The following HS6ST3 variants were observed in gnomAD, a reference collection of about 807,000 sequenced individuals.
The protein encoded by HS6ST3 is heparan sulfate 6-O-sulfotransferase 3.
In HS6ST3, 12 loss-of-function variants were observed where a neutral mutation model predicts 36.7. That is an observed-to-expected ratio of 0.33 (90% confidence interval 0.21 to 0.53). The LOEUF is 0.53. HS6ST3 is among the 20% of genes least tolerant of loss of function. HS6ST3 has a pLI of 0.95. For missense variants in HS6ST3, 584 were observed against 640.9 expected (o/e 0.91, Z 0.96); for synonymous variants, 240 against 257.5 (o/e 0.93, Z 0.65).
chr13:96,626,317 A>G (rs1380346861), intron 1 of HS6ST3, among the ~76,000 whole-genome samples: 1 of 152,164 alleles, frequency 6.6e-6, no homozygotes, highest in Non-Finnish European at 1.5e-5. Context: ...AAGGTATGCA[A>G]TCTAATTTTA....
At chr13:96,753,519 G>A (rs1283942849) in intron 1 of HS6ST3, among the ~76,000 whole-genome samples, 1 of 151,892 alleles carries the variant, frequency 6.6e-6, no homozygotes, top group African/African-American at 2.4e-5. Flanking sequence ...TATTGTTATT[G>A]GTGTAAAATG....
intron 1 of HS6ST3, among the ~76,000 whole-genome samples, chr13:96,812,986 G>T (rs931202510): frequency 6.6e-6 from 1 of 152,154 alleles, no homozygotes; most frequent in Non-Finnish European, 1.5e-5. Flanking sequence ...GGATGGCAGG[G>T]CCTGCTTCCT....
At chr13:96,092,613 T>C (rs1242405741) in intron 1 of HS6ST3, among the ~76,000 whole-genome samples, 1 of 152,206 alleles carries the variant, frequency 6.6e-6, no homozygotes, top group Non-Finnish European at 1.5e-5. Context: ...TTCAAACAAT[T>C]TGGTATGAGG....
At chr13:96,438,869 CAGCCT>C (rs1346621811) in intron 1 of HS6ST3, among the ~76,000 whole-genome samples, 1 of 152,060 alleles carries the variant, frequency 6.6e-6, no homozygotes, top group Admixed American at 6.6e-5. Context: ...AGTTTGAGAC[CAGCCT>C]AGCCAACATG....
At chr13:96,184,552 C>T (rs1001363110) in intron 1 of HS6ST3, among the ~76,000 whole-genome samples, 4 of 152,110 alleles carry the variant, frequency 2.6e-5, no homozygotes, top group Non-Finnish European at 5.9e-5. Context: ...CTTTCCCCTG[C>T]GGCAATGACC....
At chr13:96,808,179 G>T (rs1469910986) in intron 1 of HS6ST3, among the ~76,000 whole-genome samples, 1 of 152,188 alleles carries the variant, frequency 6.6e-6, no homozygotes, top group Admixed American at 6.5e-5. Flanking sequence ...ATGTATTTGA[G>T]CCCAGCCTTT....
At chr13:96,760,376 T>C (rs1262638320) in intron 1 of HS6ST3, among the ~76,000 whole-genome samples, 1 of 152,086 alleles carries the variant, frequency 6.6e-6, no homozygotes. Context: ...CTCCCTGCTA[T>C]GAGAGTTGAG....
intron 1 of HS6ST3, among the ~76,000 whole-genome samples, chr13:96,652,679 A>T (rs946708641): frequency 6.6e-6 from 1 of 152,140 alleles, no homozygotes; most frequent in African/African-American, 2.4e-5. Flanking sequence ...TATGAATGGA[A>T]GATTGGATTC....
At chr13:96,267,989 GAC>G (rs2054700994) in intron 1 of HS6ST3, among the ~76,000 whole-genome samples, 1 of 151,750 alleles carries the variant, frequency 6.6e-6, no homozygotes, top group African/African-American at 2.4e-5. Context: ...CTTCTTTACA[GAC>G]ACACACACTC....
At chr13:96,342,774 G>A (rs1043692206) in intron 1 of HS6ST3, among the ~76,000 whole-genome samples, 16 of 152,176 alleles carry the variant, frequency 1.1e-4, no homozygotes, top group African/African-American at 3.9e-4. Context: ...GCCACGCTGT[G>A]TCAAGTGCAG....
chr13:96,350,770 G>C (rs968971748), intron 1 of HS6ST3, among the ~76,000 whole-genome samples: 1 of 152,122 alleles, frequency 6.6e-6, no homozygotes, highest in Non-Finnish European at 1.5e-5. Context: ...TATTTCCTTA[G>C]TGCAGCACAA....
chr13:96,370,471 A>T lies in HS6ST3; in HGVS notation c.707+278902A>T, dbSNP rs115449648. 4.8e-3 allele frequency among the ~76,000 whole-genome samples: 725 copies of T among 152,352 alleles called. 4 individuals are homozygous for T. Among genetic ancestry groups the T allele is most frequent in the African/African-American group, 0.017 (701 of 41,580 alleles). ...AGTTATGAAGCATAACAATATGGAA[A>T]CCCATCAACACATTATCTAGCTTAA... is the stretch of plus-strand genomic sequence containing the variant. On this transcript the variant is annotated intron_variant, in intron 1 of 1. Coordinates refer to ENST00000376705, the MANE Select transcript of HS6ST3 (RefSeq NM_153456.4).
chr13:96,151,760 G>A (rs1474658741), intron 1 of HS6ST3, among the ~76,000 whole-genome samples: 1 of 152,094 alleles, frequency 6.6e-6, no homozygotes, highest in Non-Finnish European at 1.5e-5. Flanking sequence ...GGTGTTGGCC[G>A]GCAATCTTGG....
chr13:96,284,931 CT>C (rs2054794178), intron 1 of HS6ST3, among the ~76,000 whole-genome samples: 1 of 131,748 alleles, frequency 7.6e-6, no homozygotes, highest in Non-Finnish European at 1.7e-5. Context: ...TTCTTTCTTT[CT>C]TTCTTTCTTT....
At chr13:96,305,941 T>C (rs977104150) in intron 1 of HS6ST3, among the ~76,000 whole-genome samples, 5 of 151,438 alleles carry the variant, frequency 3.3e-5, no homozygotes, top group African/African-American at 4.9e-5. Context: ...TCCTTTTTTT[T>C]TTAGACAGGA....
At chr13:96,242,048 G>A (rs1305693984) in intron 1 of HS6ST3, among the ~76,000 whole-genome samples, 2 of 151,936 alleles carry the variant, frequency 1.3e-5, no homozygotes, top group South Asian at 2.1e-4. Context: ...GCCTCCCAAA[G>A]TGCTGAGATT....
intron 1 of HS6ST3, among the ~76,000 whole-genome samples, chr13:96,750,497 C>G (rs1268211732): frequency 2.6e-5 from 4 of 152,200 alleles, no homozygotes; most frequent in African/African-American, 4.8e-5. Context: ...CCTGATAACT[C>G]TTTCATTAAT....
At chr13:96,241,246 A>G (rs1247968243) in intron 1 of HS6ST3, among the ~76,000 whole-genome samples, 1 of 152,084 alleles carries the variant, frequency 6.6e-6, no homozygotes, top group Non-Finnish European at 1.5e-5. Context: ...TTTGTCGTAT[A>G]ACTCAAGAGT....
chr13:96,103,953 G>GTT (rs58261240), intron 1 of HS6ST3, among the ~76,000 whole-genome samples: 4 of 145,664 alleles, frequency 2.7e-5, no homozygotes, highest in East Asian at 4.0e-4. Flanking sequence ...GGTTTGAGGT[G>GTT]TTTTTTTTTT....
Sources: gnomAD v4.1 joint callset for allele counts (sites outside exome capture counted in the v4.1 genomes callset) on GRCh38, gnomAD v4.1.1 for gene constraint, MANE v1.5 for transcripts, NCBI Gene and HGNC (gene_info 2026-07-23, HGNC 2026-07-21) for gene names.